The following KCNMA1 variants were observed in gnomAD, a reference collection of about 807,000 sequenced individuals.
KCNMA1 encodes the protein potassium calcium-activated channel subfamily M alpha 1.
In KCNMA1, 29 loss-of-function variants were observed where a neutral mutation model predicts 140.0. The ratio of observed to expected loss-of-function variants is 0.21; its 90% confidence interval spans 0.15 to 0.28. The LOEUF (loss-of-function observed/expected upper bound fraction) is 0.28. Ranked by LOEUF, KCNMA1 falls within the 10% of genes least tolerant of loss-of-function variation. The pLI, the probability that KCNMA1 is intolerant of heterozygous loss-of-function variation, is 1.00. For missense variants in KCNMA1, 880 were observed against 1,602.2 expected, an observed-to-expected ratio of 0.55 and a Z score of 7.70; for synonymous variants, 612 against 611.9, an observed-to-expected ratio of 1.00 and a Z score of 0.00.
chr10:77,360,151 G>T (rs1043389095), intron 2 of KCNMA1, among the ~76,000 whole-genome samples: 2 of 152,218 alleles, frequency 1.3e-5, no homozygotes, highest in Non-Finnish European at 2.9e-5. Flanking sequence ...AGGCTTGAAT[G>T]AGTGCACATT....
intron 24 of KCNMA1, chr10:76,914,133 T>C (rs1331251773): frequency 6.5e-7 from 1 of 1,549,658 alleles, no homozygotes; most frequent in Admixed American, 2.0e-5. Context: ...ACTTGCCCGG[T>C]TTAGCTAATT....
intron 5 of KCNMA1, among the ~76,000 whole-genome samples, chr10:77,144,137 T>C (rs898638836): frequency 6.6e-5 from 10 of 152,206 alleles, no homozygotes; most frequent in South Asian, 2.1e-4. Context: ...ATAACAGCTT[T>C]ATTCAAAATA....
intron 2 of KCNMA1, among the ~76,000 whole-genome samples, chr10:77,389,912 G>A (rs556752571): frequency 6.6e-6 from 1 of 152,270 alleles, no homozygotes; most frequent in African/African-American, 2.4e-5. Context: ...TCAAATGGAG[G>A]CAAAACCATG....
intron 2 of KCNMA1, among the ~76,000 whole-genome samples, chr10:77,351,811 C>T (rs2092920969): frequency 6.6e-6 from 1 of 152,162 alleles, no homozygotes; most frequent in Admixed American, 6.5e-5. Flanking sequence ...TATTTAACAA[C>T]AAAACAACAG....
chr10:77,295,758 G>C (rs559420539), intron 2 of KCNMA1, among the ~76,000 whole-genome samples: 1 of 128,866 alleles, frequency 7.8e-6, no homozygotes, highest in Admixed American at 8.9e-5. Context: ...TCCACAGTCC[G>C]GCCTGGGCGA....
chr10:77,041,151 CTTTTTTTTTTTTTTTTT>C (rs1162318311), intron 14 of KCNMA1, among the ~76,000 whole-genome samples: 2 of 1,582 alleles, frequency 1.3e-3, no homozygotes, highest in Admixed American at 0.013. Flanking sequence ...CTGGCTAATT[CTTTTTTTTTTTTTTTTT>C]TTTTTTTTTT....
At chr10:77,017,753 C>A (rs1220385720) in intron 17 of KCNMA1, among the ~76,000 whole-genome samples, 1 of 152,168 alleles carries the variant, frequency 6.6e-6, no homozygotes, top group Non-Finnish European at 1.5e-5. Flanking sequence ...GTGCAAGCTC[C>A]AACTTCCTGG....
intron 2 of KCNMA1, among the ~76,000 whole-genome samples, chr10:77,377,082 G>A (rs1170948337): frequency 6.6e-6 from 1 of 152,116 alleles, no homozygotes; most frequent in Non-Finnish European, 1.5e-5. Flanking sequence ...AAGAGCCTGC[G>A]CCTAGGTGAC....
intron 2 of KCNMA1, among the ~76,000 whole-genome samples, chr10:77,331,933 G>A (rs1176920088): frequency 6.6e-6 from 1 of 152,170 alleles, no homozygotes; most frequent in Non-Finnish European, 1.5e-5. Context: ...GGTTACCCAA[G>A]CTGCTACTTC....
chr10:76,991,575 G>A (rs1013297468), intron 19 of KCNMA1, among the ~76,000 whole-genome samples: 25 of 152,258 alleles, frequency 1.6e-4, no homozygotes, highest in African/African-American at 4.6e-4. Flanking sequence ...GATCTAGGGC[G>A]ATCTGGCTTC....
intron 2 of KCNMA1, among the ~76,000 whole-genome samples, chr10:77,307,959 A>G (rs1280817672): frequency 6.6e-6 from 1 of 152,234 alleles, no homozygotes; most frequent in Non-Finnish European, 1.5e-5. Context: ...TCAATTTGGA[A>G]TCACAACTTA....
intron 3 of KCNMA1, among the ~76,000 whole-genome samples, chr10:77,195,101 G>A (rs1476255975): frequency 6.6e-6 from 1 of 152,124 alleles, no homozygotes; most frequent in Non-Finnish European, 1.5e-5. Context: ...CACAGAGAAA[G>A]ACCTGGTAGA....
At chr10:77,536,408 G>T (rs1174287131) in intron 1 of KCNMA1, among the ~76,000 whole-genome samples, 2 of 152,300 alleles carry the variant, frequency 1.3e-5, no homozygotes, top group East Asian at 3.9e-4. Flanking sequence ...TCTTCCCAGT[G>T]TTGGGAGAAT....
intron 2 of KCNMA1, among the ~76,000 whole-genome samples, chr10:77,295,806 A>AAAAAAAAAAAAC (rs1565798837): frequency 1.4e-5 from 2 of 145,640 alleles, no homozygotes; most frequent in Non-Finnish European, 3.0e-5. Context: ...AAAAAAAAAA[A>AAAAAAAAAAAAC]AAAAAAAAAA....
intron 1 of KCNMA1, among the ~76,000 whole-genome samples, chr10:77,477,562 C>A (rs58158227): frequency 6.6e-6 from 1 of 152,170 alleles, no homozygotes; most frequent in African/African-American, 2.4e-5. Flanking sequence ...CCTGAAGTTG[C>A]ATCTTGGCTT....
chr10:77,347,037 A>G (rs2092271007), intron 2 of KCNMA1, among the ~76,000 whole-genome samples: 1 of 152,218 alleles, frequency 6.6e-6, no homozygotes, highest in Admixed American at 6.5e-5. Context: ...TCTCAATGTC[A>G]CAATCTGGCT....
chr10:77,137,275 T>A (rs1352215774), intron 5 of KCNMA1, among the ~76,000 whole-genome samples: 1 of 152,156 alleles, frequency 6.6e-6, no homozygotes, highest in Non-Finnish European at 1.5e-5. Flanking sequence ...TTTTCCAATT[T>A]GCTATTTTCC....
intron 2 of KCNMA1, among the ~76,000 whole-genome samples, chr10:77,343,467 C>G (rs529678439): frequency 2.0e-4 from 31 of 152,274 alleles, no homozygotes; most frequent in South Asian, 1.9e-3. Context: ...TGAGCTGACA[C>G]AGCCCAGCCC....
rs139619365 is a variant in KCNMA1 at position 76,996,684 on chromosome 10, C to T, written c.2266+4723G>A. ...GGGAGAAAATGGAGACTCAGACGAA[C>T]AGGCTTTAAAACTAATACATGAAAA... On this transcript the variant is annotated intron_variant, in intron 19 of 27. Coordinates refer to ENST00000286628, the MANE Select transcript of KCNMA1 (RefSeq NM_001161352.2). Among the ~76,000 whole-genome samples, 719 of 152,184 alleles carry T rather than the reference C, an allele frequency of 4.7e-3. 4 individuals are homozygous for T. The highest frequency in any genetic ancestry group is 0.016 in the African/African-American group (678 of 41,518).
Sources: allele counts gnomAD v4.1 joint callset (sites outside exome capture counted in the v4.1 genomes callset), GRCh38; gene constraint gnomAD v4.1.1; transcripts MANE v1.5; gene names NCBI Gene and HGNC (gene_info 2026-07-23, HGNC 2026-07-21).